Variants in CADM2 observed in about 807,000 individuals in gnomAD.
The protein encoded by CADM2 is cell adhesion molecule 2, also known as immunoglobulin superfamily member 4D.
A neutral mutation model predicts 49.8 loss-of-function variants in CADM2; 12 were observed. The ratio of observed to expected loss-of-function variants is 0.24; its 90% CI spans 0.15 to 0.39. The LOEUF (loss-of-function observed/expected upper bound fraction) is 0.39, where lower values mean the gene tolerates loss of function less well. Among genes scored for constraint, CADM2 ranks in the 10% least tolerant of loss-of-function variants. CADM2 has a pLI of 1.00. For synonymous variants in CADM2, 214 were observed against 175.4 expected, an observed-to-expected ratio of 1.22 and a Z score of -1.74; for missense variants, 378 against 492.3, an observed-to-expected ratio of 0.77 and a Z score of 2.20.
At chr3:85,433,783 G>C (rs1050441738) in intron 1 of CADM2, among the ~76,000 whole-genome samples, 1 of 152,032 alleles carries the variant, frequency 6.6e-6, no homozygotes, top group Non-Finnish European at 1.5e-5. Context: ...CTTTCTCTGT[G>C]AATTGCATTA....
intron 2 of CADM2, among the ~76,000 whole-genome samples, chr3:85,798,124 T>G (rs1211847932): frequency 6.6e-6 from 1 of 152,160 alleles, no homozygotes; most frequent in African/African-American, 2.4e-5. Flanking sequence ...TTTGTTTGTT[T>G]GTTTTGTAAA....
At chr3:85,837,137 A>G (rs1385366493) in intron 3 of CADM2, among the ~76,000 whole-genome samples, 1 of 151,596 alleles carries the variant, frequency 6.6e-6, no homozygotes, top group Non-Finnish European at 1.5e-5. Context: ...ATTTTAGAAT[A>G]TTTCTCATCG....
rs534326168 is a variant in CADM2 at position 85,983,605 on chromosome 3, T to C, written c.970+21958T>C. 2.6e-5 allele frequency among the ~76,000 whole-genome samples: 4 copies of C among 151,860 alleles called. No homozygotes were observed. In the East Asian group the frequency reaches 7.8e-4, roughly 29 times the overall value. On this transcript the variant is annotated intron_variant, in intron 8 of 9. Transcript: ENST00000383699. ...GTAAAACAAACATGTTTACCAGCAGTTGTATCATACCATTAATGAAATGGT... is the reference window on the plus strand; with the variant it reads ...GTAAAACAAACATGTTTACCAGCAGCTGTATCATACCATTAATGAAATGGT...
chr3:85,899,678 C>T (rs562908336), intron 5 of CADM2, among the ~76,000 whole-genome samples: 11 of 152,156 alleles, frequency 7.2e-5, no homozygotes, highest in Non-Finnish European at 1.6e-4. Flanking sequence ...GAGACCAGAA[C>T]AGTATTTGAC....
chr3:85,337,032 TATATATATATAA>T (rs1240641244), intron 1 of CADM2, among the ~76,000 whole-genome samples: 16 of 138,582 alleles, frequency 1.2e-4, no homozygotes, highest in Non-Finnish European at 1.2e-4. Flanking sequence ...TAAATATAAA[TATATATATATAA>T]ATATATATAT....
At position 84,959,192 on chromosome 3, in the gene CADM2, C is replaced by G; in HGVS notation, c.-416C>G. On this transcript the variant is annotated 5_prime_UTR_variant, in exon 1 of 10. Coordinates refer to ENST00000383699, the MANE Select transcript of CADM2 (RefSeq NM_001167675.2). ...TGCTTGCTCCTCCTCTCCCCCAGCCCTTCCCCTCCGTGACCTACCCACTCC... is the reference window on the plus strand; with the variant it reads ...TGCTTGCTCCTCCTCTCCCCCAGCCGTTCCCCTCCGTGACCTACCCACTCC... 1 of 261,664 alleles carries G rather than the reference C, an allele frequency of 3.8e-6. No individual in the cohort carries two copies. 16.2% of individuals were successfully genotyped at this position (261,664 alleles called of 1,614,324 possible).
chr3:85,976,492 T>A (rs1303496390), intron 8 of CADM2, among the ~76,000 whole-genome samples: 1 of 151,634 alleles, frequency 6.6e-6, no homozygotes, highest in Non-Finnish European at 1.5e-5. Context: ...ATTTTAACTT[T>A]TACTATTTCA....
intron 2 of CADM2, among the ~76,000 whole-genome samples, chr3:85,783,903 T>G (rs1194900854): frequency 6.6e-6 from 1 of 152,214 alleles, no homozygotes; most frequent in Admixed American, 6.5e-5. Context: ...ACCACTTTTT[T>G]TTAAAGTACG....
intron 1 of CADM2, among the ~76,000 whole-genome samples, chr3:85,033,322 T>C (rs972235357): frequency 2.0e-5 from 3 of 152,204 alleles, no homozygotes. Flanking sequence ...GAATGGGAAT[T>C]TAAAGTTTAT....
rs770031273 is a variant in CADM2, at chr3:86,066,766, A to G, written c.1198A>G (p.Lys400Glu). ...EGSQVNAEEK[K>E]EYFI Reference sequence around the variant, plus strand: ...CAGCCAAGTCAATGCTGAAGAGAAAAAAGAGTATTTCATTTAAGATGCAGG... The same window carrying G: ...CAGCCAAGTCAATGCTGAAGAGAAAGAAGAGTATTTCATTTAAGATGCAGG... The change falls in exon 10 of 10, where the codon AAA becomes GAA. Residue 400 changes from lysine to glutamate, a missense_variant. Lys to Glu is a moderately conservative substitution (Grantham distance 56). Transcript: ENST00000383699. 2 of 1,611,718 alleles carry G rather than the reference A, an allele frequency of 1.2e-6. No homozygotes were observed. Among genetic ancestry groups the G allele is most frequent in the South Asian group, 1.1e-5 (1 of 91,040 alleles).
rs531738700 is a variant in CADM2 at position 85,497,647 on chromosome 3, C to T, written c.62-228875C>T. On this transcript the variant is annotated intron_variant, in intron 1 of 9. Transcript: ENST00000383699. ...AGAAAATCATCTTTAAAACTTATAGCGGTATGTTTTATCAAAGAACAAGCA... is the reference window on the plus strand; with the variant it reads ...AGAAAATCATCTTTAAAACTTATAGTGGTATGTTTTATCAAAGAACAAGCA... 8.8e-4 allele frequency among the ~76,000 whole-genome samples: 133 copies of T among 151,990 alleles called. 1 individual carries two copies. The highest frequency in any genetic ancestry group is 3.0e-3 in the African/African-American group (123 of 41,486).
chr3:85,462,145 C>T (rs1270138807), intron 1 of CADM2, among the ~76,000 whole-genome samples: 1 of 152,126 alleles, frequency 6.6e-6, no homozygotes, highest in Non-Finnish European at 1.5e-5. Flanking sequence ...TGATTTTTGT[C>T]TCCTCTGAGA....
intron 8 of CADM2, among the ~76,000 whole-genome samples, chr3:85,981,148 G>A (rs544961346): frequency 6.6e-6 from 1 of 150,936 alleles, no homozygotes; most frequent in South Asian, 2.1e-4. Flanking sequence ...TGCTTCAGAG[G>A]ACTATATATA....
At chr3:85,528,133 GA>G (rs2061213347) in intron 1 of CADM2, among the ~76,000 whole-genome samples, 1 of 152,044 alleles carries the variant, frequency 6.6e-6, no homozygotes, top group Non-Finnish European at 1.5e-5. Flanking sequence ...AGCTCTCAGG[GA>G]TCTCTCTTGC....
chr3:85,878,823 C>A (rs564063932), intron 3 of CADM2, among the ~76,000 whole-genome samples: 15 of 151,934 alleles, frequency 9.9e-5, no homozygotes, highest in Non-Finnish European at 2.1e-4. Flanking sequence ...GAGTTAAATT[C>A]CTTTTGTCTG....
intron 1 of CADM2, among the ~76,000 whole-genome samples, chr3:85,275,620 T>TC (rs2043339252): frequency 6.6e-6 from 1 of 151,288 alleles, no homozygotes; most frequent in Admixed American, 6.6e-5. Flanking sequence ...ATGCATTTTT[T>TC]CCATTGATCT....
chr3:86,039,653 G>T (rs941601072), intron 8 of CADM2, among the ~76,000 whole-genome samples: 8 of 152,080 alleles, frequency 5.3e-5, no homozygotes, highest in Non-Finnish European at 8.8e-5. Flanking sequence ...ATCCACCTCT[G>T]GGGGGAGGGC....
chr3:85,048,441 G>A (rs2035750944), intron 1 of CADM2, among the ~76,000 whole-genome samples: 1 of 152,102 alleles, frequency 6.6e-6, no homozygotes. Context: ...TGGATGCTAG[G>A]AGAAGAGATA....
intron 1 of CADM2, among the ~76,000 whole-genome samples, chr3:85,653,983 G>A (rs1198084243): frequency 1.3e-5 from 2 of 152,202 alleles, no homozygotes; most frequent in African/African-American, 2.4e-5. Flanking sequence ...CATAAAATAC[G>A]GACTGTGAAT....
Sources: gnomAD v4.1 joint callset for allele counts (sites outside exome capture counted in the v4.1 genomes callset) on GRCh38, gnomAD v4.1.1 for gene constraint, MANE v1.5 for transcripts, NCBI Gene and HGNC (gene_info 2026-07-23, HGNC 2026-07-21) for gene names.